Variants in LHFPL3 observed in about 807,000 individuals in gnomAD.
LHFPL3 encodes the protein LHFPL tetraspan subfamily member 3.
Under a neutral mutation model 19.3 loss-of-function variants are expected in LHFPL3, and 5 were observed. That is an observed-to-expected ratio of 0.26 (90% CI 0.14 to 0.54). LHFPL3 has a LOEUF of 0.54. Among genes scored for constraint, LHFPL3 ranks in the 20% least tolerant of loss-of-function variants. The pLI is 0.94. For synonymous variants in LHFPL3, 133 were observed against 126.2 expected (o/e 1.05, Z -0.36); for missense variants, 249 against 307.4 (o/e 0.81, Z 1.42).
At chr7:104,685,619 C>T (rs1307708524) in intron 1 of LHFPL3, among the ~76,000 whole-genome samples, 14 of 152,164 alleles carry the variant, frequency 9.2e-5, no homozygotes, top group African/African-American at 3.4e-4. Flanking sequence ...TACAGGTGCT[C>T]ATCACAGGAA....
intron 1 of LHFPL3, among the ~76,000 whole-genome samples, chr7:104,695,633 G>C (rs957593792): frequency 6.6e-6 from 1 of 152,146 alleles, no homozygotes; most frequent in Non-Finnish European, 1.5e-5. Flanking sequence ...TGTTTTTTCT[G>C]GGTGAGGTCC....
intron 2 of LHFPL3, among the ~76,000 whole-genome samples, chr7:104,851,789 G>A (rs906887578): frequency 1.3e-5 from 2 of 152,200 alleles, no homozygotes; most frequent in Middle Eastern, 3.4e-3. Context: ...AAGAGACTTG[G>A]CGCTGAAGCT....
intron 1 of LHFPL3, among the ~76,000 whole-genome samples, chr7:104,735,731 C>G (rs186951125): frequency 3.9e-5 from 6 of 152,378 alleles, no homozygotes; most frequent in Admixed American, 2.0e-4. Flanking sequence ...GTCTGACAAG[C>G]CCCAGTGAGA....
intron 2 of LHFPL3, chr7:104,845,622 C>A: frequency 4.0e-6 from 1 of 249,354 alleles, no homozygotes; most frequent in Non-Finnish European, 6.4e-6. Context: ...CTCTCTCCCA[C>A]AATCCCTGGC....
intron 2 of LHFPL3, among the ~76,000 whole-genome samples, chr7:104,824,456 ATAATTT>A (rs1318671964): frequency 1.8e-5 from 1 of 55,814 alleles, no homozygotes; most frequent in East Asian, 9.3e-4. Flanking sequence ...ATATAATTAT[ATAATTT>A]TATATATAAT....
intron 1 of LHFPL3, among the ~76,000 whole-genome samples, chr7:104,594,830 A>C (rs1023917874): frequency 4.6e-5 from 7 of 152,204 alleles, no homozygotes; most frequent in Non-Finnish European, 7.3e-5. Flanking sequence ...TGATCAAATC[A>C]GCTATTGAAG....
At position 104,328,800 on chromosome 7, in the gene LHFPL3, TGCCGCCGCC is replaced by T. The variant is rs745895032; in HGVS notation, c.33_41del (p.Ala12_Ala14del). 6.1e-5 allele frequency: 97 copies of T among 1,592,070 alleles called. No individual in the cohort carries two copies. The highest frequency in any genetic ancestry group is 7.8e-5 in the South Asian group (7 of 89,784). On this transcript the variant is annotated inframe_deletion, in exon 1 of 3. Coordinates refer to ENST00000424859, the MANE Select transcript of LHFPL3 (RefSeq NM_199000.3). The surrounding 1 kb of genome is among the most constrained non-coding windows in gnomAD (Gnocchi z 4.6). ...GGAGAATGCCCGGAGCCGCCGCCGC[TGCCGCCGCC>T]GCCGCCGCCGCGATGCTCCCGGCTC...
At chr7:104,457,048 T>TA (rs1468927609) in intron 1 of LHFPL3, among the ~76,000 whole-genome samples, 1 of 152,182 alleles carries the variant, frequency 6.6e-6, no homozygotes, top group African/African-American at 2.4e-5. Context: ...AATGAGATGA[T>TA]AAAAAATATA....
chr7:104,329,082 C>T lies in LHFPL3; in HGVS notation c.303C>T (p.Pro101=), dbSNP rs758361986. 6.2e-7 allele frequency: 1 copy of T among 1,614,086 alleles called. No individual in the cohort carries two copies. The highest frequency in any genetic ancestry group is 1.1e-5 in the South Asian group (1 of 91,090). ...GCTTCACGGACTTCTCCACGCTGCC[C>T]TCGGGCGCCTTCAAAGCCGCCTCCT... ...RGSFTDFSTL[P]SGAFKAASFF... is the part of the protein sequence containing the mutation. The change falls in exon 1 of 3, where the codon CCC becomes CCT. Residue 101 remains proline, a synonymous_variant. Transcript: ENST00000424859.
chr7:104,731,957 C>A (rs958313217), intron 1 of LHFPL3, among the ~76,000 whole-genome samples: 1 of 152,076 alleles, frequency 6.6e-6, no homozygotes, highest in Non-Finnish European at 1.5e-5. Context: ...TTGTCAAAGG[C>A]CTTTTCTGCA....
At chr7:104,843,402 A>G (rs962120100) in intron 2 of LHFPL3, among the ~76,000 whole-genome samples, 9 of 152,328 alleles carry the variant, frequency 5.9e-5, no homozygotes, top group African/African-American at 2.2e-4. Flanking sequence ...TCAGGGAGCC[A>G]AGGCAGCCTG....
intron 2 of LHFPL3, among the ~76,000 whole-genome samples, chr7:104,903,409 C>T (rs1230167711): frequency 6.6e-6 from 1 of 151,912 alleles, no homozygotes; most frequent in Non-Finnish European, 1.5e-5. Flanking sequence ...TCCCCTGCCC[C>T]ACACACACAT....
intron 2 of LHFPL3, among the ~76,000 whole-genome samples, chr7:104,805,823 G>C (rs1406967456): frequency 1.3e-5 from 2 of 152,124 alleles, no homozygotes; most frequent in African/African-American, 4.8e-5. Flanking sequence ...TTTTAGTCTG[G>C]ATCCCTCTAG....
intron 1 of LHFPL3, among the ~76,000 whole-genome samples, chr7:104,609,333 T>C (rs1308902340): frequency 6.6e-6 from 1 of 152,184 alleles, no homozygotes; most frequent in African/African-American, 2.4e-5. Flanking sequence ...TTTAAACTCC[T>C]GTATTTTTAT....
chr7:104,834,858 A>C (rs1262241979), intron 2 of LHFPL3, among the ~76,000 whole-genome samples: 2 of 152,048 alleles, frequency 1.3e-5, no homozygotes, highest in East Asian at 3.8e-4. Flanking sequence ...ATTGTTCTCT[A>C]ATCACTTAGG....
intron 1 of LHFPL3, among the ~76,000 whole-genome samples, chr7:104,349,510 CTTT>C (rs1302470146): frequency 3.3e-5 from 5 of 152,158 alleles, no homozygotes; most frequent in African/African-American, 1.2e-4. Context: ...CACAAGGTTT[CTTT>C]AAGAAGATGC....
intron 1 of LHFPL3, among the ~76,000 whole-genome samples, chr7:104,574,248 A>G (rs1790281500): frequency 6.6e-6 from 1 of 152,224 alleles, no homozygotes; most frequent in African/African-American, 2.4e-5. Flanking sequence ...CACTGCTTCA[A>G]TTCTCACTGA....
chr7:104,336,977 A>T (rs1789822554), intron 1 of LHFPL3, among the ~76,000 whole-genome samples: 1 of 152,160 alleles, frequency 6.6e-6, no homozygotes, highest in Admixed American at 6.5e-5. Flanking sequence ...AGGATTTTGA[A>T]GGGGATTCAA....
chr7:104,845,237 T>C, intron 2 of LHFPL3: 1 of 658,216 alleles, frequency 1.5e-6, no homozygotes. Context: ...TTTCCTCAAG[T>C]ATGTGCAGAG....
Sources: gnomAD v4.1 joint callset for allele counts (sites outside exome capture counted in the v4.1 genomes callset) on GRCh38, gnomAD v4.1.1 for gene constraint, Gnocchi (gnomAD v3.1) non-coding constraint, MANE v1.5 for transcripts, NCBI Gene and HGNC (gene_info 2026-07-23, HGNC 2026-07-21) for gene names.